Variants in PYROXD2 observed in about 807,000 individuals in gnomAD.
PYROXD2 encodes the protein pyridine nucleotide-disulfide oxidoreductase domain-containing protein 2.
PYROXD2 carries 69 observed loss-of-function variants against 71.1 expected under a neutral mutation model. That is an observed-to-expected ratio of 0.97 (90% CI 0.80 to 1.19). The LOEUF is 1.19. PYROXD2 is among the 50% of genes most tolerant of loss of function. The pLI is 0.00. For synonymous variants in PYROXD2, 287 were observed against 302.7 expected (o/e 0.95, Z 0.54); for missense variants, 745 against 748.9 (o/e 0.99, Z 0.06).
chr10:98,404,225 C>T (rs968303653), intron 4 of PYROXD2, among the ~76,000 whole-genome samples: 2 of 152,182 alleles, frequency 1.3e-5, no homozygotes, highest in Non-Finnish European at 2.9e-5. Flanking sequence ...GTTTAAACTG[C>T]GTTCAAATAA....
In PYROXD2 at chr10:98,383,708, C is replaced by T. The variant is rs1842660175; in HGVS notation, c.*90G>A. 1 of 1,101,202 alleles carries T rather than the reference C, an allele frequency of 9.1e-7. No individual in the cohort carries two copies. Among genetic ancestry groups the T allele is most frequent in the Non-Finnish European group, 1.4e-6 (1 of 713,012 alleles). 68.2% of individuals were successfully genotyped at this position (1,101,202 alleles called of 1,614,324 possible). On this transcript the variant is annotated 3_prime_UTR_variant, in exon 16 of 16. Coordinates refer to ENST00000370575, the MANE Select transcript of PYROXD2 (RefSeq NM_032709.3). ...GCATTGTGGTGGCCTTATGTACTAA[C>T]CCGAAGCTGAACTTCCTGGGAAGCT...
Position 98,391,004 on chromosome 10 carries a change from T to A in PYROXD2, c.1135+6A>T. The A allele has an allele frequency of 6.2e-7, 1 of 1,607,602 alleles. No individual in the cohort carries two copies. Among genetic ancestry groups the A allele is most frequent in the Non-Finnish European group, 8.5e-7 (1 of 1,174,242 alleles). On this transcript the variant is annotated splice_donor_region_variant and intron_variant, in intron 11 of 15. Coordinates refer to ENST00000370575, the MANE Select transcript of PYROXD2 (RefSeq NM_032709.3). ...AGACAGTGCTGCAATGTGGTGTGCC[T>A]CTTACCATTGATCTTGGTGACAGGC...
intron 10 of PYROXD2, among the ~76,000 whole-genome samples, chr10:98,391,836 G>A (rs969662773): frequency 2.0e-5 from 3 of 152,066 alleles, no homozygotes; most frequent in Non-Finnish European, 2.9e-5. Context: ...TCCCCCACCC[G>A]GTCATCCCAG....
At chr10:98,392,897 TG>T in intron 9 of PYROXD2, 44 bp downstream of exon 9, 2 of 1,599,606 alleles carry the variant, frequency 1.3e-6, no homozygotes, top group African/African-American at 1.3e-5. Context: ...TGTTCTGTCC[TG>T]GGATCCTTAC....
intron 4 of PYROXD2, among the ~76,000 whole-genome samples, chr10:98,403,466 C>T (rs1045814500): frequency 2.6e-5 from 4 of 152,234 alleles, no homozygotes; most frequent in Non-Finnish European, 4.4e-5. Context: ...ACTTCCTGAT[C>T]ACACACCTCA....
chr10:98,412,171 C>T (rs556876069), intron 1 of PYROXD2, among the ~76,000 whole-genome samples: 54 of 152,310 alleles, frequency 3.5e-4, no homozygotes, highest in African/African-American at 1.3e-3. Context: ...TGCTGATGAT[C>T]GATCTTGGAA....
chr10:98,400,680 T>C (rs1041855554), intron 4 of PYROXD2, among the ~76,000 whole-genome samples: 4 of 152,232 alleles, frequency 2.6e-5, no homozygotes, highest in Non-Finnish European at 5.9e-5. Flanking sequence ...CATGACACAC[T>C]CATTCCATGC....
chr10:98,402,457 C>T (rs1335947162), intron 4 of PYROXD2, among the ~76,000 whole-genome samples: 1 of 152,226 alleles, frequency 6.6e-6, no homozygotes, highest in Admixed American at 6.5e-5. Context: ...ATTTTATTTA[C>T]TTTGCAGACT....
At position 98,400,237 on chromosome 10, in the gene PYROXD2, A is replaced by C; in HGVS notation, c.336T>G (p.His112Gln). The C allele has an allele frequency of 1.2e-6, 2 of 1,612,114 alleles. No individual in the cohort carries two copies. The highest frequency in any genetic ancestry group is 1.7e-6 in the Non-Finnish European group (2 of 1,178,802). Residue 112 changes from histidine to glutamine, a missense_variant, in exon 5 of 16, where the codon CAT (histidine) becomes CAG (glutamine). His to Gln is a conservative substitution (Grantham distance 24). Transcript: ENST00000370575. The part of the protein sequence containing the change: ...LELKKHGLRL[H>Q]LRNPYSFTPM... ...GGGTGAAGGAGTAGGGGTTTCGAAG[A>C]TGAAGCCTCAGCCCATGTTTCTGCA...
chr10:98,409,657 T>A (rs1334603851), intron 2 of PYROXD2, among the ~76,000 whole-genome samples: 1 of 152,212 alleles, frequency 6.6e-6, no homozygotes, highest in African/African-American at 2.4e-5. Flanking sequence ...GCAAATGATC[T>A]ATTACCTTCA....
At chr10:98,400,315 A>G (rs1366885027) in intron 4 of PYROXD2, 58 bp from the exon 5 acceptor site, 5 of 1,509,662 alleles carry the variant, frequency 3.3e-6, no homozygotes, top group Non-Finnish European at 4.5e-6. Context: ...TCTGCCCATC[A>G]TCTTTCTCCG....
chr10:98,392,588 C>A, intron 9 of PYROXD2, 22 bp from the exon 10 acceptor site: 1 of 1,607,224 alleles, frequency 6.2e-7, no homozygotes, highest in East Asian at 2.2e-5. Context: ...CAGAACAAGG[C>A]CCCAGAAACC....
intron 6 of PYROXD2, among the ~76,000 whole-genome samples, chr10:98,397,143 C>G (rs1465715604): frequency 5.3e-5 from 8 of 152,214 alleles, no homozygotes; most frequent in African/African-American, 9.6e-5. Context: ...AAGCCTTGGT[C>G]TCAGGCTCTA....
At chr10:98,392,895 C>T (rs1564796661) in intron 9 of PYROXD2, 47 bp downstream of exon 9, 6 of 1,597,232 alleles carry the variant, frequency 3.8e-6, no homozygotes, top group Middle Eastern at 1.7e-4. Flanking sequence ...TTTGTTCTGT[C>T]CTGGGATCCT....
At position 98,395,184 on chromosome 10, in the gene PYROXD2, C is replaced by G. The variant is rs1490114461; in HGVS notation, c.785+12G>C. On this transcript the variant is annotated intron_variant, in intron 8 of 15. Transcript: ENST00000370575. ...CCCCACTCCTGTGTCCCACCTCACCCCCCTCACTCACCCACTCCCCGGAGT... is the reference window on the plus strand; with the variant it reads ...CCCCACTCCTGTGTCCCACCTCACCGCCCTCACTCACCCACTCCCCGGAGT... 8.7e-6 allele frequency: 14 copies of G among 1,610,922 alleles called. No individual in the cohort carries two copies. The highest frequency in any genetic ancestry group is 1.3e-5 in the African/African-American group (1 of 74,864).
chr10:98,403,704 G>T (rs913110701), intron 4 of PYROXD2, among the ~76,000 whole-genome samples: 3 of 152,184 alleles, frequency 2.0e-5, no homozygotes, highest in African/African-American at 7.2e-5. Flanking sequence ...CCTTGAGGAA[G>T]ATGTCCTTCC....
intron 5 of PYROXD2, among the ~76,000 whole-genome samples, chr10:98,399,804 C>A (rs1343958692): frequency 1.3e-5 from 2 of 152,232 alleles, no homozygotes; most frequent in Non-Finnish European, 2.9e-5. Context: ...AGTGTAAGAA[C>A]GTGCCAGTGC....
In PYROXD2 at chr10:98,392,527, G is replaced by C; in HGVS notation, c.967C>G (p.Gln323Glu). 6.2e-7 allele frequency: 1 copy of C among 1,613,304 alleles called. No homozygotes were observed. Among genetic ancestry groups the C allele is most frequent in the Non-Finnish European group, 8.5e-7 (1 of 1,180,028 alleles). ...GTGCCATCTTCCAGCACAACTCCTT[G>C]AACACAGCCTTCACTGTTCACCTGC... Reference protein sequence around the residue: ...KVQVNSEGCVQGVVLEDGTEV... With the variant: ...KVQVNSEGCVEGVVLEDGTEV... Residue 323 changes from glutamine to glutamate, a missense_variant, in exon 10 of 16, where the codon CAA (glutamine) becomes GAA (glutamate). Physicochemically the swap from Gln to Glu is conservative, Grantham distance 29. Transcript: ENST00000370575.
At chr10:98,384,609 C>T (rs1163279560) in intron 15 of PYROXD2, among the ~76,000 whole-genome samples, 1 of 152,148 alleles carries the variant, frequency 6.6e-6, no homozygotes, top group East Asian at 1.9e-4. Context: ...TAGCGTGAAG[C>T]CCTGTCTAAA....
Sources: allele counts gnomAD v4.1 joint callset (sites outside exome capture counted in the v4.1 genomes callset), GRCh38; gene constraint gnomAD v4.1.1; transcripts MANE v1.5; gene names NCBI Gene and HGNC (gene_info 2026-07-23, HGNC 2026-07-21).